Variants in NXPE2 observed in about 807,000 individuals in gnomAD.
The protein encoded by NXPE2 is NXPE family member 2.
A neutral mutation model predicts 34.4 loss-of-function variants in NXPE2; 34 were observed. The observed-to-expected ratio is 0.99, with a 90% CI of 0.75 to 1.31. The LOEUF (loss-of-function observed/expected upper bound fraction) is 1.31. NXPE2 is among the 40% of genes most tolerant of loss of function. The probability of loss-of-function intolerance (pLI) is 0.00; values close to 1 mark genes in which losing one functional copy is unlikely to be tolerated. For synonymous variants in NXPE2, 235 were observed against 231.3 expected (o/e 1.02, Z -0.15); for missense variants, 649 against 672.5 (o/e 0.97, Z 0.39).
At chr11:114,619,769 C>T in the NXPE2 span, among the ~76,000 whole-genome samples, 4 of 152,180 alleles carry the variant, frequency 2.6e-5, no homozygotes, top group African/African-American at 9.6e-5. Context: ...ACCACTGTTA[C>T]CAGGTGGATA....
the NXPE2 span, among the ~76,000 whole-genome samples, chr11:114,623,057 C>A: frequency 6.6e-6 from 1 of 152,128 alleles, no homozygotes; most frequent in Non-Finnish European, 1.5e-5. Context: ...ATAAGTGTTG[C>A]CTTGAGGGTA....
At chr11:114,519,564 G>T in the NXPE2 span, among the ~76,000 whole-genome samples, 1 of 152,004 alleles carries the variant, frequency 6.6e-6, no homozygotes, top group African/African-American at 2.4e-5. Context: ...ATTCTTTCCC[G>T]GGGTGTCAGG....
chr11:114,710,860 C>A (rs751255301), downstream of NXPE2, among the ~76,000 whole-genome samples: 1 of 151,806 alleles, frequency 6.6e-6, no homozygotes, highest in Non-Finnish European at 1.5e-5. Context: ...ACTAGTAAAC[C>A]AAATTCAATA....
chr11:114,578,453 A>G, the NXPE2 span, among the ~76,000 whole-genome samples: 1 of 152,184 alleles, frequency 6.6e-6, no homozygotes, highest in Non-Finnish European at 1.5e-5. Context: ...GGCTGTTACT[A>G]GACCCTGAAT....
chr11:114,738,878 A>G, the NXPE2 span, among the ~76,000 whole-genome samples: 2 of 152,120 alleles, frequency 1.3e-5, no homozygotes, highest in African/African-American at 4.8e-5. Flanking sequence ...ATGGAGTGGA[A>G]TATTTTATGA....
At chr11:114,673,528 CA>C (rs919321991), upstream of NXPE2, among the ~76,000 whole-genome samples, 79 of 150,098 alleles carry the variant, frequency 5.3e-4, no homozygotes, top group African/African-American at 1.7e-3. Flanking sequence ...TCATTGAAAC[CA>C]AAAAAAAGTC....
the NXPE2 span, among the ~76,000 whole-genome samples, chr11:114,626,794 C>G: frequency 1.3e-5 from 2 of 152,000 alleles, no homozygotes; most frequent in African/African-American, 4.8e-5. Context: ...TAATGTATAA[C>G]TAGAATAACC....
the NXPE2 span, among the ~76,000 whole-genome samples, chr11:114,619,576 G>A: frequency 5.3e-5 from 8 of 150,172 alleles, no homozygotes; most frequent in African/African-American, 2.0e-4. Flanking sequence ...GGTGGATAAT[G>A]TGTTGCCTCG....
chr11:114,698,565 G>T lies in NXPE2; in HGVS notation c.653G>T (p.Gly218Val). The change falls in exon 3 of 6, where the codon GGC (glycine) becomes GTC (valine). Residue 218 changes from glycine (G) to valine (V), a missense_variant. Physicochemically the swap from Gly to Val is moderately radical, Grantham distance 109. Transcript: ENST00000389586. ...GGATGTGATAGGATCATCTTCACTG[G>T]CCTGTTTGCCAACAGAAGCTCCAAT... is the stretch of plus-strand genomic sequence containing the variant. Reference protein sequence around the residue: ...NQGCDRIIFTGLFANRSSNVF... With the variant: ...NQGCDRIIFTVLFANRSSNVF... 5.0e-6 allele frequency: 8 copies of T among 1,614,154 alleles called. No individual in the cohort carries two copies. Among genetic ancestry groups the T allele is most frequent in the Non-Finnish European group, 6.8e-6 (8 of 1,180,008 alleles).
chr11:114,794,947 C>T, the NXPE2 span, among the ~76,000 whole-genome samples: 4 of 149,904 alleles, frequency 2.7e-5, no homozygotes, highest in Non-Finnish European at 5.9e-5. Context: ...ATCCTTCCAA[C>T]TCACAGAATA....
the NXPE2 span, among the ~76,000 whole-genome samples, chr11:114,729,482 A>G: frequency 6.6e-6 from 1 of 152,120 alleles, no homozygotes; most frequent in African/African-American, 2.4e-5. Context: ...TGAGAAATCT[A>G]CAAACTGCTT....
At chr11:114,792,012 C>G in the NXPE2 span, among the ~76,000 whole-genome samples, 128 of 152,204 alleles carry the variant, frequency 8.4e-4, 1 homozygote, top group Middle Eastern at 0.01. Context: ...GAGCCGAGAT[C>G]GCACCACTGC....
In NXPE2 at chr11:114,707,028, T is replaced by G; in HGVS notation, c.*98T>G. ...CAATCCAAGTTTTGAGGAAACTAAA[T>G]TTGAAAAAGTTCTATTAAAGTTAAA... On this transcript the variant is annotated 3_prime_UTR_variant, in exon 6 of 6. Transcript: ENST00000389586. 2 of 906,860 alleles carry G rather than the reference T, an allele frequency of 2.2e-6. No individual in the cohort carries two copies. Among genetic ancestry groups the G allele is most frequent in the South Asian group, 3.8e-5 (2 of 52,790 alleles). 56.2% of individuals were successfully genotyped at this position (906,860 alleles called of 1,614,324 possible). A position where few individuals can be genotyped will look rare whatever the true frequency, so the allele number is the denominator to read the frequency against.
the NXPE2 span, among the ~76,000 whole-genome samples, chr11:114,637,511 G>A: frequency 6.6e-6 from 1 of 151,164 alleles, no homozygotes; most frequent in Admixed American, 6.6e-5. Context: ...TCATTATGAT[G>A]TTAAGTGGTT....
chr11:114,732,189 T>C, the NXPE2 span, among the ~76,000 whole-genome samples: 1 of 152,264 alleles, frequency 6.6e-6, no homozygotes, highest in Admixed American at 6.5e-5. Context: ...AATTCTAATA[T>C]AGGACAATTC....
the NXPE2 span, among the ~76,000 whole-genome samples, chr11:114,468,939 C>T: frequency 6.6e-6 from 1 of 151,728 alleles, no homozygotes; most frequent in Admixed American, 6.6e-5. Flanking sequence ...TACTACTAGC[C>T]TAAATAAAAT....
chr11:114,739,079 G>A, the NXPE2 span, among the ~76,000 whole-genome samples: 1 of 152,004 alleles, frequency 6.6e-6, no homozygotes, highest in Non-Finnish European at 1.5e-5. Context: ...AATTTAAGCA[G>A]GCAAGTTTAA....
chr11:114,601,847 A>G, the NXPE2 span, among the ~76,000 whole-genome samples: 1 of 54,614 alleles, frequency 1.8e-5, no homozygotes, highest in Non-Finnish European at 2.9e-5. Flanking sequence ...TATATAATAT[A>G]AAATATATAA....
the NXPE2 span, among the ~76,000 whole-genome samples, chr11:114,811,085 A>C: frequency 6.6e-6 from 1 of 151,060 alleles, no homozygotes; most frequent in Non-Finnish European, 1.5e-5. Context: ...TATCACAAGG[A>C]CAAAAAACCA....
Sources: allele counts gnomAD v4.1 joint callset (sites outside exome capture counted in the v4.1 genomes callset), GRCh38; gene constraint gnomAD v4.1.1; transcripts MANE v1.5; gene names NCBI Gene and HGNC (gene_info 2026-07-23, HGNC 2026-07-21).